The following COA1 variants were observed in gnomAD, a reference collection of about 807,000 sequenced individuals.
COA1 encodes cytochrome c oxidase assembly factor 1 homolog.
COA1 carries 13 observed loss-of-function variants against 16.0 expected under a neutral mutation model. The ratio of observed to expected loss-of-function variants is 0.81; its 90% CI spans 0.53 to 1.29. COA1 has a LOEUF of 1.29. Among genes scored for constraint, COA1 ranks in the 50% most tolerant of loss-of-function variants. The probability of loss-of-function intolerance (pLI) is 0.00; values close to 1 mark genes in which losing one functional copy is unlikely to be tolerated. For synonymous variants in COA1, 65 were observed against 65.7 expected, an observed-to-expected ratio of 0.99 and a Z score of 0.05; for missense variants, 179 against 177.0, an observed-to-expected ratio of 1.01 and a Z score of -0.06.
intron 1 of COA1, among the ~76,000 whole-genome samples, chr7:43,713,201 C>T (rs2095303649): frequency 6.6e-6 from 1 of 152,188 alleles, no homozygotes; most frequent in South Asian, 2.1e-4. Context: ...ATCTGCCCAC[C>T]TTGGCCTCCC....
At chr7:43,636,508 C>T (rs1422272394), downstream of COA1, among the ~76,000 whole-genome samples, 3 of 152,236 alleles carry the variant, frequency 2.0e-5, no homozygotes, top group East Asian at 5.8e-4. Context: ...CCTAAAGCCA[C>T]TTCCAAAGCT....
Position 43,612,622 on chromosome 7 carries a change from G to A in COA1, c.*134-3127C>T, listed in dbSNP as rs181993972. ...ATGCTGGTTAAAATGGGAAACTCCTGTCCCTGTGACAGAAGTTAGTTGGAA... is the reference window on the plus strand; with the variant it reads ...ATGCTGGTTAAAATGGGAAACTCCTATCCCTGTGACAGAAGTTAGTTGGAA... On this transcript the variant is annotated intron_variant and NMD_transcript_variant, in intron 6 of 6. Transcript: ENST00000415076. 5.6e-4 allele frequency among the ~76,000 whole-genome samples: 85 copies of A among 152,312 alleles called. No homozygotes were observed. In the East Asian group the frequency reaches 0.013, roughly 24 times the overall value.
intron 1 of COA1, among the ~76,000 whole-genome samples, chr7:43,691,921 T>C (rs985839068): frequency 3.9e-5 from 6 of 152,216 alleles, no homozygotes; most frequent in African/African-American, 7.2e-5. Context: ...CAAAATCATC[T>C]GCCCAGGTGT....
At chr7:43,683,482 AAGTT>A (rs1004381596) in intron 1 of COA1, among the ~76,000 whole-genome samples, 1 of 151,950 alleles carries the variant, frequency 6.6e-6, no homozygotes, top group African/African-American at 2.4e-5. Context: ...AAAATACAAA[AAGTT>A]AGCCAGGCAT....
intron 1 of COA1, among the ~76,000 whole-genome samples, chr7:43,653,985 GA>G (rs2091312926): frequency 6.6e-6 from 1 of 152,120 alleles, no homozygotes. Flanking sequence ...AGAAAAGACA[GA>G]AAGTAGGGCC....
At chr7:43,669,789 A>G (rs1189368599) in intron 1 of COA1, among the ~76,000 whole-genome samples, 2 of 151,452 alleles carry the variant, frequency 1.3e-5, no homozygotes, top group African/African-American at 4.9e-5. Flanking sequence ...AAAAACCATC[A>G]CATCAAATAA....
chr7:43,641,560 A>G, intron 4 of COA1: 1 of 152,170 alleles, frequency 6.6e-6, no homozygotes, highest in East Asian at 1.9e-4. Context: ...AAAAAAATTC[A>G]CTGTTTTAAA....
chr7:43,638,935 T>C (rs771141115), downstream of COA1: 4 of 152,434 alleles, frequency 2.6e-5, no homozygotes, highest in Non-Finnish European at 4.4e-5. Context: ...TATGTACACA[T>C]ATAAATTTTC....
rs139022225 is a variant in COA1 at position 43,619,643 on chromosome 7, A to T, written c.*134-10148T>A. On this transcript the variant is annotated intron_variant and NMD_transcript_variant, in intron 6 of 6. Coordinates refer to the COA1 transcript ENST00000415076. Reference sequence around the variant, plus strand: ...AGTGAATCTCCATTGGGTGACATTAAGATTGTTGATTTTGGCCTTTCAAGA... The same window carrying T: ...AGTGAATCTCCATTGGGTGACATTATGATTGTTGATTTTGGCCTTTCAAGA... 1.0e-4 allele frequency: 167 copies of T among 1,613,992 alleles called. 1 individual carries two copies. The African/African-American group carries it at 2.0e-3, about 19-fold the overall frequency.
intron 1 of COA1, among the ~76,000 whole-genome samples, chr7:43,698,197 G>T (rs1414892211): frequency 6.6e-6 from 1 of 152,144 alleles, no homozygotes; most frequent in Non-Finnish European, 1.5e-5. Flanking sequence ...TAGACAATAT[G>T]AAAAACAAAC....
intron 1 of COA1, among the ~76,000 whole-genome samples, chr7:43,691,238 GA>G (rs1259606457): frequency 7.9e-6 from 1 of 127,306 alleles, no homozygotes; most frequent in South Asian, 2.7e-4. Context: ...GACAAAGCAA[GA>G]CCTTGACTCA....
chr7:43,644,774 GC>G (rs2088565153), intron 4 of COA1, among the ~76,000 whole-genome samples: 6 of 72,326 alleles, frequency 8.3e-5, no homozygotes, highest in African/African-American at 2.7e-4. Flanking sequence ...AGGCAGGCAG[GC>G]AGGCAGGCAG....
At chr7:43,646,676 G>A in intron 3 of COA1, 1 of 454,596 alleles carries the variant, frequency 2.2e-6, no homozygotes, top group Admixed American at 2.4e-5. Context: ...TTGGCAGAGG[G>A]AAGAGGAGGC....
rs187340219 is a variant in COA1 at position 43,678,837 on chromosome 7, G to A, written c.-38-30185C>T. Among the ~76,000 whole-genome samples, 6 of 152,300 alleles carry A rather than the reference G, an allele frequency of 3.9e-5. No homozygotes were observed. In the East Asian group the frequency reaches 9.6e-4, roughly 24 times the overall value. On this transcript the variant is annotated intron_variant, in intron 1 of 5. Transcript: ENST00000223336. ...ATGTTGGCTAGAATGTGGAGAAACT[G>A]TAACCATTATGGCATTACTGGTGAG...
At chr7:43,652,253 A>C (rs1409849139) in intron 1 of COA1, among the ~76,000 whole-genome samples, 1 of 152,184 alleles carries the variant, frequency 6.6e-6, no homozygotes, top group African/African-American at 2.4e-5. Flanking sequence ...TAACACCCAG[A>C]GTCCTCTAAA....
At chr7:43,717,198 T>C (rs893611294) in intron 1 of COA1, among the ~76,000 whole-genome samples, 2 of 152,178 alleles carry the variant, frequency 1.3e-5, no homozygotes, top group Non-Finnish European at 2.9e-5. Flanking sequence ...GACCCCAGAA[T>C]GGTAGATCCA....
chr7:43,670,204 T>G (rs1358352744), intron 1 of COA1, among the ~76,000 whole-genome samples: 1 of 152,098 alleles, frequency 6.6e-6, no homozygotes, highest in Non-Finnish European at 1.5e-5. Flanking sequence ...ATCCCAGCAC[T>G]TTGGGAGGCC....
intron 1 of COA1, among the ~76,000 whole-genome samples, chr7:43,673,634 C>G (rs1025092252): frequency 6.6e-6 from 1 of 152,200 alleles, no homozygotes; most frequent in Non-Finnish European, 1.5e-5. Flanking sequence ...CCAGCAATCT[C>G]ATTATTGCGT....
At chr7:43,688,515 C>A (rs2094137303) in intron 1 of COA1, among the ~76,000 whole-genome samples, 2 of 152,134 alleles carry the variant, frequency 1.3e-5, no homozygotes, top group Non-Finnish European at 2.9e-5. Flanking sequence ...TTAAAAACCT[C>A]TTTATCACAC....
Sources: gnomAD v4.1 joint callset for allele counts (sites outside exome capture counted in the v4.1 genomes callset) on GRCh38, gnomAD v4.1.1 for gene constraint, MANE v1.5 for transcripts, NCBI Gene and HGNC (gene_info 2026-07-23, HGNC 2026-07-21) for gene names.